TMEM132C: variants seen among roughly 807,000 people sequenced by gnomAD.
TMEM132C encodes transmembrane protein 132C.
Under a neutral mutation model 61.4 loss-of-function variants are expected in TMEM132C, and 29 were observed. The observed-to-expected ratio is 0.47, with a 90% CI of 0.35 to 0.64. The LOEUF (loss-of-function observed/expected upper bound fraction) is 0.64, where lower values mean the gene tolerates loss of function less well. TMEM132C is among the 30% of genes least tolerant of loss of function. TMEM132C has a pLI of 0.00. For missense variants in TMEM132C, 1,408 were observed against 1,476.9 expected (o/e 0.95, Z 0.76); for synonymous variants, 656 against 633.1 (o/e 1.04, Z -0.54).
chr12:128,577,099 C>G (rs1183676865), intron 3 of TMEM132C, among the ~76,000 whole-genome samples: 1 of 152,152 alleles, frequency 6.6e-6, no homozygotes, highest in Non-Finnish European at 1.5e-5. Flanking sequence ...CTCCCCACAG[C>G]CCCCATCAAC....
intron 2 of TMEM132C, among the ~76,000 whole-genome samples, chr12:128,433,002 A>AAAATAAATAAATAAAT (rs72373120): frequency 6.8e-6 from 1 of 146,470 alleles, no homozygotes; most frequent in African/African-American, 2.5e-5. Context: ...CACCAGCCAA[A>AAAATAAATAAATAAAT]AAATAAATAA....
intron 1 of TMEM132C, among the ~76,000 whole-genome samples, chr12:128,338,286 A>T (rs1872845724): frequency 6.6e-6 from 1 of 151,952 alleles, no homozygotes; most frequent in Non-Finnish European, 1.5e-5. Flanking sequence ...TAGAGCCGAG[A>T]CTCCTGCAGG....
intron 8 of TMEM132C, among the ~76,000 whole-genome samples, chr12:128,698,120 C>T (rs2135657641): frequency 6.6e-6 from 1 of 152,256 alleles, no homozygotes; most frequent in Admixed American, 6.5e-5. Flanking sequence ...GTGACCATCA[C>T]AGGGCCAGCA....
chr12:128,436,215 A>G (rs2136042681), intron 2 of TMEM132C, among the ~76,000 whole-genome samples: 1 of 152,160 alleles, frequency 6.6e-6, no homozygotes, highest in Non-Finnish European at 1.5e-5. Context: ...AACCTAGGCA[A>G]TACCATTCAG....
intron 4 of TMEM132C, among the ~76,000 whole-genome samples, chr12:128,649,227 G>A (rs569915478): frequency 6.6e-6 from 1 of 152,304 alleles, no homozygotes; most frequent in African/African-American, 2.4e-5. Flanking sequence ...CTCATGCAAA[G>A]TGCGGTGCAG....
chr12:128,462,039 G>A (rs1870549231), intron 2 of TMEM132C, among the ~76,000 whole-genome samples: 1 of 152,288 alleles, frequency 6.6e-6, no homozygotes, highest in South Asian at 2.1e-4. Flanking sequence ...GTGAAATCCA[G>A]CCTCCTTGGA....
intron 2 of TMEM132C, among the ~76,000 whole-genome samples, chr12:128,439,845 A>C (rs1020115468): frequency 6.6e-6 from 1 of 152,186 alleles, no homozygotes; most frequent in African/African-American, 2.4e-5. Flanking sequence ...ATGATGGAGC[A>C]GCAGAATGAG....
intron 2 of TMEM132C, 111 bp from the exon 3 acceptor site, chr12:128,543,846 A>G: frequency 7.1e-7 from 1 of 1,408,894 alleles, no homozygotes; most frequent in Non-Finnish European, 9.4e-7. Context: ...GATATGAAAA[A>G]AGTGGAAAAG....
chr12:128,382,460 G>T (rs1281660790), intron 1 of TMEM132C, among the ~76,000 whole-genome samples: 1 of 152,158 alleles, frequency 6.6e-6, no homozygotes, highest in Non-Finnish European at 1.5e-5. Flanking sequence ...CCAAAGAACT[G>T]AATTTTTAAT....
intron 1 of TMEM132C, among the ~76,000 whole-genome samples, chr12:128,316,475 C>T (rs1337680138): frequency 2.0e-5 from 3 of 152,158 alleles, no homozygotes. Context: ...GTTCAGCAGG[C>T]ATCCCATTTA....
At chr12:128,605,017 A>G (rs543160421) in intron 3 of TMEM132C, among the ~76,000 whole-genome samples, 22 of 146,536 alleles carry the variant, frequency 1.5e-4, no homozygotes, top group African/African-American at 5.7e-4. Flanking sequence ...CATAGATAAT[A>G]GATGAATGGA....
At chr12:128,271,092 A>C (rs1219033479) in intron 1 of TMEM132C, among the ~76,000 whole-genome samples, 1 of 151,856 alleles carries the variant, frequency 6.6e-6, no homozygotes, top group East Asian at 1.9e-4. Context: ...CATCTCTACT[A>C]AAAATACAAA....
At chr12:128,607,699 C>T (rs922685345) in intron 3 of TMEM132C, among the ~76,000 whole-genome samples, 17 of 152,170 alleles carry the variant, frequency 1.1e-4, no homozygotes, top group African/African-American at 3.1e-4. Flanking sequence ...CCTCACATGA[C>T]GACTGATGTC....
chr12:128,532,640 C>CAAAAAAAAAAAAAAAAA (rs61283555), intron 2 of TMEM132C, among the ~76,000 whole-genome samples: 5 of 67,172 alleles, frequency 7.4e-5, no homozygotes, highest in African/African-American at 2.9e-4. Flanking sequence ...GACTCCATCT[C>CAAAAAAAAAAAAAAAAA]AAAAAAAAAA....
At chr12:128,645,299 C>T (rs1954187810) in intron 4 of TMEM132C, among the ~76,000 whole-genome samples, 1 of 152,246 alleles carries the variant, frequency 6.6e-6, no homozygotes. Context: ...CCAGGCTGGG[C>T]CAACTGGGTC....
Position 128,326,862 on chromosome 12 carries a change from G to T in TMEM132C, c.85+59375G>T, listed in dbSNP as rs1272650810. On this transcript the variant is annotated intron_variant, in intron 1 of 8. Coordinates refer to ENST00000435159, the MANE Select transcript of TMEM132C (RefSeq NM_001136103.3). This position sits in a 1 kb window ranked among gnomAD's most constrained non-coding sequence, Gnocchi z 5.6. Reference sequence around the variant, plus strand: ...AGGAATTAATTGTATTTTTAATAAAGCAGAGGCTTTTGTTGTTGTTGTTAA... The same window carrying T: ...AGGAATTAATTGTATTTTTAATAAATCAGAGGCTTTTGTTGTTGTTGTTAA... 6.9e-6 allele frequency among the ~76,000 whole-genome samples: 1 copy of T among 144,744 alleles called. No homozygotes were observed. The highest frequency in any genetic ancestry group is 1.5e-5 in the Non-Finnish European group (1 of 67,906). 95.0% of individuals were successfully genotyped at this position (144,744 alleles called of 152,430 possible).
chr12:128,624,759 G>T (rs1166887713), intron 4 of TMEM132C, among the ~76,000 whole-genome samples: 1 of 152,098 alleles, frequency 6.6e-6, no homozygotes, highest in Non-Finnish European at 1.5e-5. Flanking sequence ...TATTCAAACA[G>T]TAGTTCATAA....
chr12:128,282,280 C>G (rs1870921573), intron 1 of TMEM132C, among the ~76,000 whole-genome samples: 1 of 152,208 alleles, frequency 6.6e-6, no homozygotes, highest in South Asian at 2.1e-4. Flanking sequence ...TTGTATTATT[C>G]CGTTTTCACA....
intron 2 of TMEM132C, among the ~76,000 whole-genome samples, chr12:128,527,883 G>A (rs1007682779): frequency 3.9e-5 from 6 of 152,130 alleles, no homozygotes; most frequent in Admixed American, 6.6e-5. Context: ...TTACTCCTAT[G>A]TGATCTTGAG....
Sources: allele counts gnomAD v4.1 joint callset (sites outside exome capture counted in the v4.1 genomes callset), GRCh38; gene constraint gnomAD v4.1.1; non-coding constraint Gnocchi (gnomAD v3.1); transcripts MANE v1.5; gene names NCBI Gene and HGNC (gene_info 2026-07-23, HGNC 2026-07-21).